The following HS6ST3 variants were observed in gnomAD, a reference collection of about 807,000 sequenced individuals.
HS6ST3 encodes heparan sulfate 6-O-sulfotransferase 3, also known as heparan-sulfate 6-O-sulfotransferase 3.
In HS6ST3, 12 loss-of-function variants were observed where a neutral mutation model predicts 36.7. That is an observed-to-expected ratio of 0.33 (90% CI 0.21 to 0.53). The LOEUF (loss-of-function observed/expected upper bound fraction) is 0.53, where lower values mean the gene tolerates loss of function less well. Ranked by LOEUF, HS6ST3 falls within the 20% of genes least tolerant of loss-of-function variation. The pLI is 0.95. For missense variants in HS6ST3, 584 were observed against 640.9 expected (o/e 0.91, Z 0.96); for synonymous variants, 240 against 257.5 (o/e 0.93, Z 0.65).
At chr13:96,247,558 G>A (rs1246290655) in intron 1 of HS6ST3, among the ~76,000 whole-genome samples, 2 of 151,944 alleles carry the variant, frequency 1.3e-5, no homozygotes, top group African/African-American at 2.4e-5. Flanking sequence ...GTTTCCTGAG[G>A]CCTCCCTCAG....
intron 1 of HS6ST3, among the ~76,000 whole-genome samples, chr13:96,326,591 G>A (rs540781853): frequency 1.3e-5 from 2 of 152,118 alleles, no homozygotes; most frequent in African/African-American, 4.8e-5. Context: ...TGGACATTTG[G>A]GTTGGTTCCA....
At chr13:96,778,979 C>G (rs1240973853) in intron 1 of HS6ST3, among the ~76,000 whole-genome samples, 1 of 152,142 alleles carries the variant, frequency 6.6e-6, no homozygotes, top group Non-Finnish European at 1.5e-5. Context: ...CCATGGAATA[C>G]TATGCAGCCT....
At chr13:96,773,221 A>G (rs1035566092) in intron 1 of HS6ST3, among the ~76,000 whole-genome samples, 1 of 152,236 alleles carries the variant, frequency 6.6e-6, no homozygotes, top group African/African-American at 2.4e-5. Context: ...CTGGGTTTCA[A>G]GAACAAAACT....
rs1366283616 is a variant in HS6ST3, at chr13:96,687,846, G to A, written c.708-144644G>A. 5.9e-5 allele frequency among the ~76,000 whole-genome samples: 9 copies of A among 152,042 alleles called. No individual in the cohort carries two copies. The South Asian group carries it at 1.2e-3, about 21-fold the overall frequency. On this transcript the variant is annotated intron_variant, in intron 1 of 1. Coordinates refer to ENST00000376705, the MANE Select transcript of HS6ST3 (RefSeq NM_153456.4). ...CATTGTAATTTCTCACTAAACACTG[G>A]CTAAAACAATGAATGAGACAGTCAA...
chr13:96,093,966 A>G (rs987725577), intron 1 of HS6ST3, among the ~76,000 whole-genome samples: 13 of 152,164 alleles, frequency 8.5e-5, no homozygotes, highest in Admixed American at 5.9e-4. Context: ...AGCAAAATTG[A>G]TAAGTAGATC....
intron 1 of HS6ST3, among the ~76,000 whole-genome samples, chr13:96,812,431 C>T (rs1303267638): frequency 6.6e-6 from 1 of 152,146 alleles, no homozygotes; most frequent in Non-Finnish European, 1.5e-5. Flanking sequence ...GCTCCAACCC[C>T]TCCATGCTAA....
intron 1 of HS6ST3, among the ~76,000 whole-genome samples, chr13:96,222,042 T>C (rs1458525674): frequency 6.6e-6 from 1 of 152,186 alleles, no homozygotes; most frequent in East Asian, 1.9e-4. Context: ...TAAAAAGTGT[T>C]CCAATTTTGA....
Position 96,412,820 on chromosome 13 carries a change from C to T in HS6ST3, c.707+321251C>T, listed in dbSNP as rs7321898. The stretch of plus-strand genomic sequence containing the variant: ...ACCCACAAATTTCCATGTTAGAATA[C>T]ATGTTTGCATATACAGTATATTATA... On this transcript the variant is annotated intron_variant, in intron 1 of 1. Coordinates refer to ENST00000376705, the MANE Select transcript of HS6ST3 (RefSeq NM_153456.4). Among the ~76,000 whole-genome samples, 597 of 150,670 alleles carry T rather than the reference C, an allele frequency of 4.0e-3. 4 individuals are homozygous for T. Among genetic ancestry groups the T allele is most frequent in the African/African-American group, 0.014 (569 of 41,228 alleles).
chr13:96,573,368 G>A (rs920046974), intron 1 of HS6ST3, among the ~76,000 whole-genome samples: 11 of 152,076 alleles, frequency 7.2e-5, no homozygotes, highest in African/African-American at 2.7e-4. Context: ...GGGCCTATGG[G>A]CCTGCTTTTC....
intron 1 of HS6ST3, among the ~76,000 whole-genome samples, chr13:96,691,194 G>T (rs531921177): frequency 1.3e-5 from 2 of 152,170 alleles, no homozygotes; most frequent in African/African-American, 4.8e-5. Flanking sequence ...TATTTAATTT[G>T]CAGCTGCTTC....
intron 1 of HS6ST3, among the ~76,000 whole-genome samples, chr13:96,625,209 T>C (rs2056507926): frequency 6.6e-6 from 1 of 152,314 alleles, no homozygotes; most frequent in South Asian, 2.1e-4. Flanking sequence ...ATGGCATTTG[T>C]CAACTCTCAT....
At chr13:96,145,023 A>G (rs9516639) in intron 1 of HS6ST3, among the ~76,000 whole-genome samples, 121,187 of 148,280 alleles carry the variant, frequency 0.82, 49,927 homozygotes, top group East Asian at 0.91. Context: ...TATATGTGCC[A>G]CATTTTCTTA....
chr13:96,800,495 C>T (rs1024730731), intron 1 of HS6ST3, among the ~76,000 whole-genome samples: 3 of 152,048 alleles, frequency 2.0e-5, no homozygotes, highest in East Asian at 1.9e-4. Context: ...ACTCTCCTTT[C>T]GCAGAATTCT....
At chr13:96,598,986 T>G (rs1451342910) in intron 1 of HS6ST3, among the ~76,000 whole-genome samples, 1 of 152,162 alleles carries the variant, frequency 6.6e-6, no homozygotes, top group Non-Finnish European at 1.5e-5. Flanking sequence ...TTGTGTATGT[T>G]GAACCATCCC....
At chr13:96,739,537 G>A (rs567023807) in intron 1 of HS6ST3, among the ~76,000 whole-genome samples, 1 of 151,858 alleles carries the variant, frequency 6.6e-6, no homozygotes, top group Admixed American at 6.6e-5. Context: ...AGTTGTTCTG[G>A]CTAAAATCGT....
chr13:96,706,777 G>C (rs142948491), intron 1 of HS6ST3, among the ~76,000 whole-genome samples: 1,546 of 152,156 alleles, frequency 0.01, 18 homozygotes, highest in Non-Finnish European at 0.015. Flanking sequence ...GGAGTGACAA[G>C]TTATTAACCT....
intron 1 of HS6ST3, among the ~76,000 whole-genome samples, chr13:96,301,171 T>C (rs748596285): frequency 7.2e-5 from 11 of 152,232 alleles, no homozygotes; most frequent in Non-Finnish European, 1.0e-4. Context: ...TATTTTGATA[T>C]ATTTCTTATT....
rs868124813 is a variant in HS6ST3 at position 96,265,657 on chromosome 13, C to A, written c.707+174088C>A. The stretch of plus-strand genomic sequence containing the variant: ...TTTAGGATTATGATGGAATTGCAGA[C>A]CCGTGGTGATGCGGGGAGGGGTCAG... On this transcript the variant is annotated intron_variant, in intron 1 of 1. Coordinates refer to ENST00000376705, the MANE Select transcript of HS6ST3 (RefSeq NM_153456.4). Among the ~76,000 whole-genome samples, 3 of 152,226 alleles carry A rather than the reference C, an allele frequency of 2.0e-5. No homozygotes were observed. The Middle Eastern group carries it at 0.01, about 518-fold the overall frequency.
At chr13:96,735,817 C>T (rs1051821323) in intron 1 of HS6ST3, among the ~76,000 whole-genome samples, 2 of 152,078 alleles carry the variant, frequency 1.3e-5, no homozygotes, top group African/African-American at 2.4e-5. Context: ...CAAAACTCAC[C>T]GTATGCTGTA....
Sources: allele counts gnomAD v4.1 joint callset (sites outside exome capture counted in the v4.1 genomes callset), GRCh38; gene constraint gnomAD v4.1.1; transcripts MANE v1.5; gene names NCBI Gene and HGNC (gene_info 2026-07-23, HGNC 2026-07-21).